The following CHD6 variants were observed in gnomAD, a reference collection of about 807,000 sequenced individuals.
CHD6 encodes chromodomain helicase DNA binding protein 6.
CHD6 carries 50 observed loss-of-function variants against 276.9 expected under a neutral mutation model. The observed-to-expected ratio is 0.18, with a 90% CI of 0.14 to 0.23. The LOEUF is 0.23. Among genes scored for constraint, CHD6 ranks in the 10% least tolerant of loss-of-function variants. The probability of loss-of-function intolerance (pLI) is 1.00; values close to 1 mark genes in which losing one functional copy is unlikely to be tolerated. For synonymous variants in CHD6, 1,173 were observed against 1,229.3 expected (o/e 0.95, Z 0.96); for missense variants, 2,564 against 3,365.8 (o/e 0.76, Z 5.89).
Position 41,473,177 on chromosome 20 carries a change from A to T in CHD6, c.2664+145T>A. ...CGACATTTACTTTTCATTCAGTTTC[A>T]CCCCCTGACCAAGGCCCTAAGCCTG... On this transcript the variant is annotated intron_variant, in intron 17 of 36. Coordinates refer to ENST00000373233, the MANE Select transcript of CHD6 (RefSeq NM_032221.5). This position sits in a 1 kb window ranked among gnomAD's most constrained non-coding sequence, Gnocchi z 4.1. 1 of 639,418 alleles carries T rather than the reference A, an allele frequency of 1.6e-6. No homozygotes were observed. Among genetic ancestry groups the T allele is most frequent in the Non-Finnish European group, 2.6e-6 (1 of 381,712 alleles). 39.6% of individuals were successfully genotyped at this position (639,418 alleles called of 1,614,324 possible).
rs1229652743 is a variant in CHD6, at chr20:41,417,351, T to C, written c.6128-2A>G. On this transcript the variant is annotated splice_acceptor_variant, in intron 31 of 36. Transcript: ENST00000373233. LOFTEE classifies it high-confidence loss of function. ...CTTCAGAGTACTTCCCTGGATAATCTGGGAAGAGGTTAAAAAATTAATCAG... is the reference window on the plus strand; with the variant it reads ...CTTCAGAGTACTTCCCTGGATAATCCGGGAAGAGGTTAAAAAATTAATCAG... The C allele has an allele frequency of 6.2e-7, 1 of 1,609,770 alleles. No homozygotes were observed. The highest frequency in any genetic ancestry group is 1.7e-5 in the Admixed American group (1 of 58,778).
At chr20:41,578,954 A>C (rs2146226475) in intron 1 of CHD6, among the ~76,000 whole-genome samples, 1 of 150,616 alleles carries the variant, frequency 6.6e-6, no homozygotes, top group African/African-American at 2.4e-5. Context: ...ACATGGTGAA[A>C]CCCCATCTCT....
At chr20:41,445,303 G>T (rs1328716085) in intron 25 of CHD6, among the ~76,000 whole-genome samples, 41 of 152,260 alleles carry the variant, frequency 2.7e-4, no homozygotes, top group Non-Finnish European at 2.1e-4. Context: ...CTGAAACTTA[G>T]CATTTCCCGC....
rs140316963 is a variant in CHD6, at chr20:41,575,649, C to T, written c.-23-24289G>A. Among the ~76,000 whole-genome samples, 89 of 152,262 alleles carry T rather than the reference C, an allele frequency of 5.8e-4. No individual in the cohort carries two copies. The East Asian group carries it at 0.013, about 22-fold the overall frequency. On this transcript the variant is annotated intron_variant, in intron 1 of 36. Transcript: ENST00000373233. Reference sequence around the variant, plus strand: ...AACAAAAAACAAAAAACACCATTAACGCACCCAGAATTGTGCTAATATGTC... The same window carrying T: ...AACAAAAAACAAAAAACACCATTAATGCACCCAGAATTGTGCTAATATGTC...
rs1569036501 is a variant in CHD6 at position 41,405,382 on chromosome 20, AG to A, written c.7358del (p.Ala2453ValfsTer17). ...GRRPRSELLK[A>X]PSIVADSPSG... ...AGGGAGAGTCTGCCACAATGGAAGG[AG>A]CCTTCAGGAGTTCGCTCCGAGGCCG... On this transcript the variant is annotated frameshift_variant, in exon 37 of 37. Transcript: ENST00000373233. LOFTEE classifies it high-confidence loss of function. 1 of 1,614,146 alleles carries A rather than the reference AG, an allele frequency of 6.2e-7. No homozygotes were observed. Among genetic ancestry groups the A allele is most frequent in the Admixed American group, 1.7e-5 (1 of 60,022 alleles).
chr20:41,490,349 T>C (rs73611285), intron 11 of CHD6, among the ~76,000 whole-genome samples: 5 of 152,174 alleles, frequency 3.3e-5, no homozygotes, highest in African/African-American at 1.2e-4. Context: ...GCCTACTACA[T>C]ACCTAGGCTA....
chr20:41,570,797 T>C (rs1344190395), intron 1 of CHD6, among the ~76,000 whole-genome samples: 1 of 152,218 alleles, frequency 6.6e-6, no homozygotes, highest in East Asian at 1.9e-4. Flanking sequence ...CTGGCTCCAC[T>C]TTGAAATTCA....
intron 27 of CHD6, among the ~76,000 whole-genome samples, chr20:41,427,494 T>G (rs1313235176): frequency 2.0e-5 from 3 of 152,156 alleles, no homozygotes; most frequent in African/African-American, 4.8e-5. Context: ...CTAGAAATGT[T>G]CAGTAACTTG....
chr20:41,533,085 A>G lies in CHD6; in HGVS notation c.519T>C (p.Thr173=). The part of the protein sequence containing the change: ...TKEAKEKRSC[T]DSAARTKSRK... ...TGGACTTCGTCCTGGCTGCAGAGTC[A>G]GTGCAGCTCCTCTTCTCTTTGGCCT... The change falls in exon 3 of 37, where the codon ACT becomes ACC. Residue 173 remains threonine, a synonymous_variant. Transcript: ENST00000373233. 1 of 1,606,070 alleles carries G rather than the reference A, an allele frequency of 6.2e-7. No homozygotes were observed. The highest frequency in any genetic ancestry group is 1.1e-5 in the South Asian group (1 of 89,656).
rs953208812 is a variant in CHD6 at position 41,451,254 on chromosome 20, G to A, written c.3524-149C>T. Reference sequence around the variant, plus strand: ...ACTCCTTAGCCCACAGGTGGTGGTGGTAGGAAGGAAGGCCATGCACTTGGT... The same window carrying A: ...ACTCCTTAGCCCACAGGTGGTGGTGATAGGAAGGAAGGCCATGCACTTGGT... On this transcript the variant is annotated intron_variant, in intron 22 of 36. Transcript: ENST00000373233. 4.6e-6 allele frequency: 3 copies of A among 651,224 alleles called. No individual in the cohort carries two copies. In the East Asian group the frequency reaches 8.0e-5, roughly 17 times the overall value. The allele number at this position is 651,224 out of a possible 1,614,324, so 40.3% of individuals were successfully genotyped here. A position where few individuals can be genotyped will look rare whatever the true frequency, so the allele number is the denominator to read the frequency against.
At chr20:41,525,874 C>T (rs1000956369) in intron 3 of CHD6, among the ~76,000 whole-genome samples, 1 of 152,106 alleles carries the variant, frequency 6.6e-6, no homozygotes, top group African/African-American at 2.4e-5. Flanking sequence ...ATATTTTTGC[C>T]TGTGTCTTGA....
intron 5 of CHD6, among the ~76,000 whole-genome samples, chr20:41,506,922 G>A (rs912903091): frequency 6.6e-6 from 1 of 152,194 alleles, no homozygotes; most frequent in Non-Finnish European, 1.5e-5. Flanking sequence ...TATGATAATA[G>A]AAGTAAAAAG....
chr20:41,617,352 A>G (rs2045942956), intron 1 of CHD6, among the ~76,000 whole-genome samples: 1 of 152,236 alleles, frequency 6.6e-6, no homozygotes, highest in Non-Finnish European at 1.5e-5. Flanking sequence ...CACATTAGTC[A>G]TAACTGGAAC....
At chr20:41,574,762 T>C (rs971707963) in intron 1 of CHD6, among the ~76,000 whole-genome samples, 2 of 151,872 alleles carry the variant, frequency 1.3e-5, no homozygotes, top group African/African-American at 4.8e-5. Flanking sequence ...TTCAAAACCA[T>C]GAGAACCAAG....
chr20:41,409,828 T>G (rs1185272605), intron 36 of CHD6, among the ~76,000 whole-genome samples: 1 of 152,232 alleles, frequency 6.6e-6, no homozygotes, highest in Non-Finnish European at 1.5e-5. Flanking sequence ...ATGTCATGTC[T>G]GCAATTTACT....
At position 41,452,117 on chromosome 20, in the gene CHD6, T is replaced by G; in HGVS notation, c.3324-92A>C. 1 of 983,678 alleles carries G rather than the reference T, an allele frequency of 1.0e-6. No individual in the cohort carries two copies. 60.9% of individuals were successfully genotyped at this position (983,678 alleles called of 1,614,324 possible). ...CAGGAGGAGAAACAAGAGCCATACA[T>G]GCTTTTTGTTCTCTGTAGGTCTGTT... On this transcript the variant is annotated intron_variant, in intron 21 of 36. Transcript: ENST00000373233. This position sits in a 1 kb window ranked among gnomAD's most constrained non-coding sequence, Gnocchi z 4.2.
chr20:41,484,785 A>G (rs1442364751), intron 14 of CHD6, among the ~76,000 whole-genome samples, 178 bp from the exon 15 acceptor site: 1 of 152,174 alleles, frequency 6.6e-6, no homozygotes, highest in Non-Finnish European at 1.5e-5. Flanking sequence ...CTGAAAGGGA[A>G]TAAGGGATAT....
chr20:41,460,045 A>C lies in CHD6; in HGVS notation c.2665-2617T>G, dbSNP rs143555672. Among the ~76,000 whole-genome samples the C allele has an allele frequency of 7.0e-3, 1,066 of 152,346 alleles. 14 individuals carry two copies. The highest frequency in any genetic ancestry group is 0.024 in the African/African-American group (1,007 of 41,582). The stretch of plus-strand genomic sequence containing the variant: ...GAAGGAGATGAGGAACTTGTTGGGA[A>C]CTAGAGCAAACGTGACTTTTGTTAC... On this transcript the variant is annotated intron_variant, in intron 17 of 36. Transcript: ENST00000373233.
chr20:41,523,786 G>A (rs2044461654), intron 3 of CHD6, among the ~76,000 whole-genome samples: 1 of 152,076 alleles, frequency 6.6e-6, no homozygotes, highest in African/African-American at 2.4e-5. Context: ...TAGGAAGTGA[G>A]TGCTGAATCT....
Sources: gnomAD v4.1 joint callset for allele counts (sites outside exome capture counted in the v4.1 genomes callset) on GRCh38, gnomAD v4.1.1 for gene constraint, Gnocchi (gnomAD v3.1) non-coding constraint, MANE v1.5 for transcripts, NCBI Gene and HGNC (gene_info 2026-07-23, HGNC 2026-07-21) for gene names.